Variants in WASHC2A observed in about 807,000 individuals in gnomAD.
WASHC2A encodes the protein WASH complex subunit FAM21A.
In WASHC2A, 82 loss-of-function variants were observed where a neutral mutation model predicts 140.3. The observed-to-expected ratio is 0.58, with a 90% CI of 0.49 to 0.70. The LOEUF is 0.70. WASHC2A is among the 30% of genes least tolerant of loss of function. The pLI is 0.00. For missense variants in WASHC2A, 985 were observed against 1,521.8 expected, an observed-to-expected ratio of 0.65 and a Z score of 5.87; for synonymous variants, 340 against 560.8, an observed-to-expected ratio of 0.61 and a Z score of 5.56.
intron 8 of WASHC2A, among the ~76,000 whole-genome samples, chr10:50,087,721 TAATTTTTG>T (rs1839507770): frequency 2.0e-5 from 3 of 152,196 alleles, no homozygotes; most frequent in Admixed American, 2.0e-4. Context: ...ACGGTTATCT[TAATTTTTG>T]AATAGCTAAA....
intron 23 of WASHC2A, among the ~76,000 whole-genome samples, chr10:50,120,137 A>G (rs1842908281): frequency 6.9e-6 from 1 of 144,894 alleles, no homozygotes; most frequent in Non-Finnish European, 1.5e-5. Flanking sequence ...GTTGTAGATG[A>G]ACCTTTCATA....
At chr10:50,098,720 C>T (rs1243306143) in intron 16 of WASHC2A, among the ~76,000 whole-genome samples, 2 of 137,588 alleles carry the variant, frequency 1.5e-5, no homozygotes, top group African/African-American at 5.5e-5. Flanking sequence ...AGAGCAACAC[C>T]TCCCACATCT....
chr10:50,072,573 A>G (rs572512095), intron 3 of WASHC2A, among the ~76,000 whole-genome samples: 130 of 128,386 alleles, frequency 1.0e-3, no homozygotes, highest in African/African-American at 3.5e-3. Context: ...TGCAAGCTCT[A>G]CCTCCCGGGT....
At chr10:50,072,783 G>A (rs1461415651) in intron 3 of WASHC2A, among the ~76,000 whole-genome samples, 6 of 151,996 alleles carry the variant, frequency 3.9e-5, no homozygotes, top group Admixed American at 2.0e-4. Context: ...CACCATACCC[G>A]GCAATCTGGC....
chr10:50,106,415 G>A lies in WASHC2A; in HGVS notation c.1819G>A (p.Glu607Lys), dbSNP rs1334786207. ...AQREEKAKAS[E>K]LSKKKASALL... is the part of the protein sequence containing the mutation. ...GAGAGAAGAGAAAGCAAAAGCCTCC[G>A]AGCTCTCCAAAAAGAAAGCATCTGC... Residue 607 changes from glutamate (E) to lysine (K), a missense_variant, in exon 19 of 31, where the codon GAG becomes AAG. Physicochemically the swap from Glu to Lys is moderately conservative, Grantham distance 56. Coordinates refer to ENST00000282633, the MANE Select transcript of WASHC2A (RefSeq NM_001005751.3). 7.4e-6 allele frequency: 12 copies of A among 1,611,920 alleles called. No homozygotes were observed. In the African/African-American group the frequency reaches 1.2e-4, roughly 16 times the overall value.
intron 3 of WASHC2A, among the ~76,000 whole-genome samples, chr10:50,072,271 C>G (rs1376253599): frequency 2.0e-5 from 3 of 150,464 alleles, no homozygotes; most frequent in African/African-American, 7.3e-5. Context: ...GTCTTGATGC[C>G]CCTTCGCCTT....
intron 27 of WASHC2A, among the ~76,000 whole-genome samples, 167 bp from the exon 28 acceptor site, chr10:50,127,416 G>A (rs1197421490): frequency 1.3e-5 from 2 of 152,092 alleles, no homozygotes; most frequent in Non-Finnish European, 2.9e-5. Flanking sequence ...GGGCATAGGT[G>A]TAAGACGCTC....
intron 14 of WASHC2A, 37 bp from the exon 15 acceptor site, chr10:50,095,562 G>T: frequency 6.2e-7 from 1 of 1,611,502 alleles, no homozygotes; most frequent in East Asian, 2.2e-5. Flanking sequence ...GCCCACACTG[G>T]CTCACAGCTG....
At chr10:50,071,472 AT>A (rs1837807117) in intron 3 of WASHC2A, among the ~76,000 whole-genome samples, 1 of 151,736 alleles carries the variant, frequency 6.6e-6, no homozygotes, top group South Asian at 2.1e-4. Context: ...CGCCTGGCTA[AT>A]TTTTTGTATT....
chr10:50,115,778 A>G (rs1253833145), intron 21 of WASHC2A, among the ~76,000 whole-genome samples: 6 of 147,002 alleles, frequency 4.1e-5, no homozygotes, highest in African/African-American at 1.3e-4. Flanking sequence ...ATTTTAGACA[A>G]TTTTTTTTTC....
rs1217896051 is a variant in WASHC2A, at chr10:50,087,138, G to A, written c.685-137G>A. ...TGATACTTAAGGTGACCAGTAGTCA[G>A]TACAAAGAGACTGAGTGTCAGAGCT... On this transcript the variant is annotated intron_variant, in intron 7 of 30. Coordinates refer to ENST00000282633, the MANE Select transcript of WASHC2A (RefSeq NM_001005751.3). The A allele has an allele frequency of 2.0e-4, 229 of 1,152,736 alleles. 2 individuals carry two copies. The Admixed American group carries it at 3.5e-3, about 17-fold the overall frequency. 71.4% of individuals were successfully genotyped at this position (1,152,736 alleles called of 1,614,324 possible). A position where few individuals can be genotyped will look rare whatever the true frequency, so the allele number is the denominator to read the frequency against.
At chr10:50,079,944 C>G (rs1838743675) in intron 4 of WASHC2A, among the ~76,000 whole-genome samples, 1 of 150,434 alleles carries the variant, frequency 6.6e-6, no homozygotes, top group African/African-American at 2.5e-5. Context: ...AGAAAGACTT[C>G]AGTACTTGAG....
intron 29 of WASHC2A, among the ~76,000 whole-genome samples, chr10:50,130,463 C>T (rs977540204): frequency 6.6e-6 from 1 of 151,736 alleles, no homozygotes; most frequent in Non-Finnish European, 1.5e-5. Flanking sequence ...CTTTCAGTGG[C>T]ATTTGCTCAG....
intron 8 of WASHC2A, among the ~76,000 whole-genome samples, chr10:50,090,532 T>TTATATATATATA (rs1839829209): frequency 1.5e-5 from 2 of 135,204 alleles, no homozygotes; most frequent in African/African-American, 2.7e-5. Flanking sequence ...ATATATATAT[T>TTATATATATATA]TATATTTATA....
rs1396392087 is a variant in WASHC2A, at chr10:50,133,380, A to G, written c.*435A>G. The G allele has an allele frequency of 4.2e-6, 2 of 475,572 alleles. No homozygotes were observed. Among genetic ancestry groups the G allele is most frequent in the Non-Finnish European group, 8.6e-6 (2 of 231,644 alleles). The allele number at this position is 475,572 out of a possible 1,614,324, so 29.5% of individuals were successfully genotyped here. A position where few individuals can be genotyped will look rare whatever the true frequency, so the allele number is the denominator to read the frequency against. On this transcript the variant is annotated 3_prime_UTR_variant, in exon 31 of 31. Transcript: ENST00000282633. ...TGAGAGATTATACTTCATGAGTCTT[A>G]GCAATATGGGAGCAGGTTTTCACTG...
intron 5 of WASHC2A, among the ~76,000 whole-genome samples, chr10:50,081,221 G>A (rs797029847): frequency 0.46 from 38,042 of 82,618 alleles, 9,760 homozygotes; most frequent in African/African-American, 0.5. Flanking sequence ...ACGAATAACC[G>A]TTGTAAATGC....
intron 3 of WASHC2A, among the ~76,000 whole-genome samples, chr10:50,070,125 A>G (rs1554875709): frequency 6.6e-6 from 1 of 152,206 alleles, no homozygotes; most frequent in African/African-American, 2.4e-5. Context: ...CAGGGGATAT[A>G]TATGTCTGCT....
Position 50,069,544 on chromosome 10 carries a change from T to C in WASHC2A, c.127-3T>C. On this transcript the variant is annotated splice_polypyrimidine_tract_variant and splice_region_variant and intron_variant, in intron 2 of 30. Transcript: ENST00000282633. ...ACTACTGTATGTTTATTTTTTAAAA[T>C]AGCTACTACAGTTTCTACAGGAATT... The C allele has an allele frequency of 6.2e-7, 1 of 1,610,988 alleles. No homozygotes were observed. The highest frequency in any genetic ancestry group is 8.5e-7 in the Non-Finnish European group (1 of 1,178,872).
chr10:50,086,260 A>G (rs1270940130), intron 7 of WASHC2A, among the ~76,000 whole-genome samples: 331 of 150,216 alleles, frequency 2.2e-3, no homozygotes, highest in African/African-American at 7.9e-3. Flanking sequence ...CCAGTCCTCC[A>G]AAGAAAAACC....
Sources: gnomAD v4.1 joint callset for allele counts (sites outside exome capture counted in the v4.1 genomes callset) on GRCh38, gnomAD v4.1.1 for gene constraint, MANE v1.5 for transcripts, NCBI Gene and HGNC (gene_info 2026-07-23, HGNC 2026-07-21) for gene names.